CNTN5: variants seen among roughly 807,000 people sequenced by gnomAD.
The protein encoded by CNTN5 is contactin 5, also known as contactin-5.
A neutral mutation model predicts 129.1 loss-of-function variants in CNTN5; 77 were observed. That is an observed-to-expected ratio of 0.60 (90% CI 0.50 to 0.72). The LOEUF (loss-of-function observed/expected upper bound fraction) is 0.72, where lower values mean the gene tolerates loss of function less well. Ranked by LOEUF, CNTN5 falls within the 30% of genes least tolerant of loss-of-function variation. The pLI, the probability that CNTN5 is intolerant of heterozygous loss-of-function variation, is 0.00. For missense variants in CNTN5, 1,478 were observed against 1,328.8 expected (o/e 1.11, Z -1.75); for synonymous variants, 509 against 465.6 (o/e 1.09, Z -1.20).
chr11:100,008,651 C>A (rs1255460960), intron 9 of CNTN5, among the ~76,000 whole-genome samples: 1 of 152,036 alleles, frequency 6.6e-6, no homozygotes, highest in African/African-American at 2.4e-5. Flanking sequence ...TGTAAACATA[C>A]ACTATGGACC....
intron 13 of CNTN5, among the ~76,000 whole-genome samples, chr11:100,161,663 A>G (rs149701447): frequency 6.6e-6 from 1 of 151,968 alleles, no homozygotes; most frequent in African/African-American, 2.4e-5. Flanking sequence ...CATTTACAAA[A>G]TGAATAATAC....
At chr11:99,792,106 T>A (rs1945765219) in intron 3 of CNTN5, among the ~76,000 whole-genome samples, 1 of 152,144 alleles carries the variant, frequency 6.6e-6, no homozygotes, top group Non-Finnish European at 1.5e-5. Context: ...CTCTTGCCTG[T>A]TTGCTTTGGC....
In CNTN5 at chr11:99,788,910, T is replaced by C. The variant is rs534864174; in HGVS notation, c.56-30634T>C. 5.3e-5 allele frequency among the ~76,000 whole-genome samples: 8 copies of C among 152,058 alleles called. No homozygotes were observed. In the South Asian group the frequency reaches 1.7e-3, roughly 32 times the overall value. Reference sequence around the variant, plus strand: ...CATCAGCACAGCTCTTTCAACAGTCTGTGTTAGCTGACTTTCTGAAAAAAC... The same window carrying C: ...CATCAGCACAGCTCTTTCAACAGTCCGTGTTAGCTGACTTTCTGAAAAAAC... On this transcript the variant is annotated intron_variant, in intron 3 of 24. Coordinates refer to ENST00000524871, the MANE Select transcript of CNTN5 (RefSeq NM_014361.4).
chr11:99,740,463 A>G (rs889961996), intron 3 of CNTN5, among the ~76,000 whole-genome samples: 4 of 151,248 alleles, frequency 2.6e-5, no homozygotes, highest in Admixed American at 6.6e-5. Flanking sequence ...GAGAAACTCA[A>G]GTAAGAAAGC....
At chr11:99,441,269 A>G (rs1943818010) in intron 2 of CNTN5, among the ~76,000 whole-genome samples, 1 of 152,194 alleles carries the variant, frequency 6.6e-6, no homozygotes, top group African/African-American at 2.4e-5. Context: ...TAGTCTAGTT[A>G]CCTCATCTTA....
chr11:100,052,860 A>AGAT (rs1943027407), intron 9 of CNTN5, among the ~76,000 whole-genome samples: 1 of 151,762 alleles, frequency 6.6e-6, no homozygotes, highest in African/African-American at 2.4e-5. Context: ...ATTGGCATAA[A>AGAT]GATAGGCTTA....
At chr11:99,146,798 T>C (rs1341854329) in intron 1 of CNTN5, among the ~76,000 whole-genome samples, 1 of 152,118 alleles carries the variant, frequency 6.6e-6, no homozygotes, top group African/African-American at 2.4e-5. Context: ...CAAGACTCAC[T>C]GCAGCTTTGA....
chr11:100,236,918 G>T (rs143491459), intron 16 of CNTN5, among the ~76,000 whole-genome samples: 4 of 152,026 alleles, frequency 2.6e-5, no homozygotes, highest in African/African-American at 9.7e-5. Context: ...CGCTGGGCGC[G>T]GTGGCTCACG....
At chr11:99,586,380 G>A (rs894550550) in intron 3 of CNTN5, among the ~76,000 whole-genome samples, 4 of 152,080 alleles carry the variant, frequency 2.6e-5, no homozygotes, top group Non-Finnish European at 4.4e-5. Flanking sequence ...CCCTCTCTGA[G>A]CATGTTTTAC....
intron 2 of CNTN5, among the ~76,000 whole-genome samples, chr11:99,336,824 T>C (rs943997543): frequency 6.1e-5 from 9 of 148,624 alleles, no homozygotes; most frequent in African/African-American, 2.2e-4. Flanking sequence ...TGAGACTCTG[T>C]CTCAAAAAAA....
At chr11:99,227,187 C>T (rs376954047) in intron 1 of CNTN5, among the ~76,000 whole-genome samples, 2 of 151,630 alleles carry the variant, frequency 1.3e-5, no homozygotes, top group South Asian at 2.1e-4. Context: ...GGTGAAACCC[C>T]GTCTGTACTA....
intron 3 of CNTN5, among the ~76,000 whole-genome samples, chr11:99,754,988 G>C (rs1336047609): frequency 6.6e-6 from 1 of 152,114 alleles, no homozygotes; most frequent in Admixed American, 6.6e-5. Context: ...GCCTTTTCCA[G>C]AATGTATTAT....
intron 1 of CNTN5, among the ~76,000 whole-genome samples, chr11:99,154,068 G>A (rs898787093): frequency 6.6e-5 from 10 of 152,116 alleles, no homozygotes; most frequent in Non-Finnish European, 1.2e-4. Context: ...CACTCCGATG[G>A]ATTGTGCCAG....
intron 3 of CNTN5, among the ~76,000 whole-genome samples, chr11:99,596,082 C>T (rs937212416): frequency 6.6e-6 from 1 of 152,060 alleles, no homozygotes. Flanking sequence ...TTGGGTCTTG[C>T]CTTGGTGAAG....
intron 15 of CNTN5, among the ~76,000 whole-genome samples, chr11:100,196,529 T>C (rs1177856604): frequency 6.6e-6 from 1 of 152,030 alleles, no homozygotes; most frequent in Non-Finnish European, 1.5e-5. Context: ...TTTTATGTTT[T>C]AAAATAGATG....
chr11:100,261,784 T>A (rs552102737), intron 17 of CNTN5, among the ~76,000 whole-genome samples: 4 of 152,158 alleles, frequency 2.6e-5, no homozygotes, highest in Non-Finnish European at 5.9e-5. Context: ...TTACACCTTA[T>A]ACAAAAATTA....
intron 3 of CNTN5, among the ~76,000 whole-genome samples, chr11:99,688,680 T>C (rs1159073564): frequency 6.6e-6 from 1 of 152,158 alleles, no homozygotes; most frequent in Non-Finnish European, 1.5e-5. Flanking sequence ...ACATGTGTCA[T>C]GGTGCTACAC....
At chr11:99,436,130 TG>T (rs1479640925) in intron 2 of CNTN5, among the ~76,000 whole-genome samples, 1 of 152,170 alleles carries the variant, frequency 6.6e-6, no homozygotes, top group Non-Finnish European at 1.5e-5. Flanking sequence ...CATGATCATT[TG>T]GAGTGAGAGA....
At chr11:99,602,185 C>G (rs1420227753) in intron 3 of CNTN5, among the ~76,000 whole-genome samples, 1 of 151,860 alleles carries the variant, frequency 6.6e-6, no homozygotes, top group East Asian at 1.9e-4. Context: ...TAGAGACACA[C>G]TTTTATACGA....
Sources: allele counts gnomAD v4.1 joint callset (sites outside exome capture counted in the v4.1 genomes callset), GRCh38; gene constraint gnomAD v4.1.1; transcripts MANE v1.5; gene names NCBI Gene and HGNC (gene_info 2026-07-23, HGNC 2026-07-21).